Variants in PLS1 observed in about 807,000 individuals in gnomAD.
The protein encoded by PLS1 is plastin 1.
A neutral mutation model predicts 73.7 loss-of-function variants in PLS1; 32 were observed. The ratio of observed to expected loss-of-function variants is 0.43; its 90% CI spans 0.33 to 0.58. PLS1 has a LOEUF of 0.58. Among genes scored for constraint, PLS1 ranks in the 20% least tolerant of loss-of-function variants. PLS1 has a pLI of 0.04. For missense variants in PLS1, 633 were observed against 740.5 expected, an observed-to-expected ratio of 0.85 and a Z score of 1.68; for synonymous variants, 217 against 261.3, an observed-to-expected ratio of 0.83 and a Z score of 1.63.
intron 9 of PLS1, among the ~76,000 whole-genome samples, chr3:142,688,828 T>G (rs1286043597): frequency 6.6e-6 from 1 of 152,224 alleles, no homozygotes; most frequent in Admixed American, 6.5e-5. Flanking sequence ...TTGTTTCATT[T>G]GTTTCCAGGG....
At chr3:142,661,327 T>C (rs1301499735) in intron 1 of PLS1, among the ~76,000 whole-genome samples, 1 of 152,234 alleles carries the variant, frequency 6.6e-6, no homozygotes. Context: ...CTTTTTCTAC[T>C]GACTTGAGCT....
At chr3:142,655,951 A>T (rs1427599350) in intron 1 of PLS1, among the ~76,000 whole-genome samples, 1 of 152,040 alleles carries the variant, frequency 6.6e-6, no homozygotes, top group Non-Finnish European at 1.5e-5. Context: ...GTTGGCAATC[A>T]AATTAATTAC....
intron 2 of PLS1, among the ~76,000 whole-genome samples, chr3:142,667,889 C>G (rs2037512912): frequency 6.6e-6 from 1 of 152,192 alleles, no homozygotes; most frequent in African/African-American, 2.4e-5. Context: ...ATTGCAATAT[C>G]AAGCAACTTA....
At chr3:142,687,953 T>G (rs1053029905) in intron 9 of PLS1, among the ~76,000 whole-genome samples, 1 of 147,270 alleles carries the variant, frequency 6.8e-6, no homozygotes, top group African/African-American at 2.5e-5. Flanking sequence ...ATTTGTTTGT[T>G]TTTTTTTTTT....
intron 14 of PLS1, among the ~76,000 whole-genome samples, chr3:142,707,311 A>T (rs1283021227): frequency 1.3e-5 from 2 of 151,814 alleles, no homozygotes; most frequent in Non-Finnish European, 2.9e-5. Flanking sequence ...ACAAGGTAGC[A>T]CTATAGGAAT....
At chr3:142,708,210 G>A (rs960870630) in intron 14 of PLS1, among the ~76,000 whole-genome samples, 7 of 152,030 alleles carry the variant, frequency 4.6e-5, no homozygotes, top group Non-Finnish European at 1.0e-4. Context: ...GAAGTCTGGT[G>A]TCCACATCAC....
rs201630767 is a variant in PLS1, at chr3:142,669,511, C to T, written c.192C>T (p.Asp64=). 3.4e-4 allele frequency: 553 copies of T among 1,613,484 alleles called. No individual in the cohort carries two copies. Among genetic ancestry groups the T allele is most frequent in the Non-Finnish European group, 4.6e-4 (538 of 1,179,588 alleles). The part of the protein sequence containing the change: ...EIVEKILSVA[D]SNKDGKISFE... ...TGGAGAAAATTCTATCAGTTGCTGACAGCAACAAAGATGGCAAAATCAGTT... is the reference window on the plus strand; with the variant it reads ...TGGAGAAAATTCTATCAGTTGCTGATAGCAACAAAGATGGCAAAATCAGTT... Residue 64 remains aspartate (D), a synonymous_variant, in exon 3 of 16, where the codon GAC becomes GAT. Coordinates refer to ENST00000457734, the MANE Select transcript of PLS1 (RefSeq NM_001145319.2).
At chr3:142,673,185 C>A (rs979022319) in intron 4 of PLS1, among the ~76,000 whole-genome samples, 1 of 152,038 alleles carries the variant, frequency 6.6e-6, no homozygotes, top group African/African-American at 2.4e-5. Context: ...AACCATGCCT[C>A]CCAAATGTGT....
chr3:142,606,484 GAC>G (rs2036020862), intron 1 of PLS1, among the ~76,000 whole-genome samples: 1 of 152,146 alleles, frequency 6.6e-6, no homozygotes, highest in African/African-American at 2.4e-5. Flanking sequence ...TCTTGGCTGT[GAC>G]AGTTTCTCAG....
chr3:142,650,614 G>C (rs1024732255), intron 1 of PLS1, among the ~76,000 whole-genome samples: 6 of 152,116 alleles, frequency 3.9e-5, no homozygotes, highest in African/African-American at 1.4e-4. Context: ...TGTGCTGCGT[G>C]GCTTGGACCT....
At chr3:142,660,218 G>C (rs1484442504) in intron 1 of PLS1, among the ~76,000 whole-genome samples, 1 of 152,012 alleles carries the variant, frequency 6.6e-6, no homozygotes, top group African/African-American at 2.4e-5. Context: ...AATCACAACT[G>C]TTACCATTTT....
intron 1 of PLS1, among the ~76,000 whole-genome samples, chr3:142,647,897 G>A (rs59017337): frequency 3.9e-5 from 6 of 152,008 alleles, no homozygotes; most frequent in Non-Finnish European, 7.4e-5. Context: ...CTCTAGTAGG[G>A]GCTGTGTGGA....
At chr3:142,647,106 T>C (rs2036968687) in intron 1 of PLS1, among the ~76,000 whole-genome samples, 2 of 152,134 alleles carry the variant, frequency 1.3e-5, no homozygotes, top group African/African-American at 2.4e-5. Flanking sequence ...TGTTTGGAGA[T>C]GGGAGTGGTG....
chr3:142,647,508 T>C (rs1482652179), intron 1 of PLS1, among the ~76,000 whole-genome samples: 1 of 150,824 alleles, frequency 6.6e-6, no homozygotes, highest in African/African-American at 2.4e-5. Flanking sequence ...CTTTTCTTTT[T>C]TTTTTTTTTC....
chr3:142,697,376 T>A (rs987441570), intron 11 of PLS1, among the ~76,000 whole-genome samples: 15 of 152,310 alleles, frequency 9.8e-5, no homozygotes, highest in Middle Eastern at 3.4e-3. Flanking sequence ...GTACAAGTTT[T>A]AGGAAGTATG....
rs1439654197 is a variant in PLS1 at position 142,600,876 on chromosome 3, TCATATATATATATATA to T, written c.-37+4368_-37+4383del. Among the ~76,000 whole-genome samples the T allele has an allele frequency of 7.8e-4, 51 of 65,470 alleles. No individual in the cohort carries two copies. The South Asian group carries it at 0.012, about 15-fold the overall frequency. The allele number at this position is 65,470 out of a possible 152,430, so 43.0% of individuals were successfully genotyped here. A position where few individuals can be genotyped will look rare whatever the true frequency, so the allele number is the denominator to read the frequency against. On this transcript the variant is annotated intron_variant, in intron 1 of 15. Coordinates refer to ENST00000457734, the MANE Select transcript of PLS1 (RefSeq NM_001145319.2). ...GGGGAAGGGAAGGGTTGGCCTGGTT[TCATATATATATATATA>T]TATATATATATATATATATATATAT...
chr3:142,662,650 A>T (rs762380032), intron 1 of PLS1, among the ~76,000 whole-genome samples: 4 of 152,230 alleles, frequency 2.6e-5, no homozygotes, highest in Non-Finnish European at 5.9e-5. Context: ...TATCACACAG[A>T]ATAAACATGG....
intron 1 of PLS1, among the ~76,000 whole-genome samples, chr3:142,660,546 G>A (rs2037347585): frequency 6.6e-6 from 1 of 152,130 alleles, no homozygotes; most frequent in Non-Finnish European, 1.5e-5. Flanking sequence ...ATGGCTGAAC[G>A]TGGCTCACCA....
intron 4 of PLS1, among the ~76,000 whole-genome samples, chr3:142,675,938 TG>T (rs1359843994): frequency 6.8e-6 from 1 of 147,022 alleles, no homozygotes; most frequent in Non-Finnish European, 1.5e-5. Flanking sequence ...GGAAGTGCTT[TG>T]GGAAGTGCTG....
Sources: allele counts gnomAD v4.1 joint callset (sites outside exome capture counted in the v4.1 genomes callset), GRCh38; gene constraint gnomAD v4.1.1; transcripts MANE v1.5; gene names NCBI Gene and HGNC (gene_info 2026-07-23, HGNC 2026-07-21).